Variants in AFF1 observed in about 807,000 individuals in gnomAD.
AFF1 encodes the protein ALF transcription elongation factor 1.
AFF1 carries 48 observed loss-of-function variants against 121.7 expected under a neutral mutation model. That is an observed-to-expected ratio of 0.39 (90% CI 0.31 to 0.50). The LOEUF (loss-of-function observed/expected upper bound fraction) is 0.50, where lower values mean the gene tolerates loss of function less well. AFF1 is among the 20% of genes least tolerant of loss of function. AFF1 has a pLI of 0.76. For missense variants in AFF1, 1,523 were observed against 1,511.7 expected (o/e 1.01, Z -0.12); for synonymous variants, 613 against 563.0 (o/e 1.09, Z -1.26).
chr4:87,023,030 G>A (rs1390669174), intron 2 of AFF1, among the ~76,000 whole-genome samples: 2 of 151,240 alleles, frequency 1.3e-5, no homozygotes, highest in East Asian at 3.9e-4. Context: ...ACCCTCCCGA[G>A]TAGCTGGGAC....
At chr4:87,124,119 T>C (rs974198252) in intron 12 of AFF1, among the ~76,000 whole-genome samples, 1 of 152,230 alleles carries the variant, frequency 6.6e-6, no homozygotes, top group Non-Finnish European at 1.5e-5. Context: ...GGCACAAGAA[T>C]GCAAGAAAGA....
In AFF1 at chr4:87,016,377, C is replaced by T. The variant is rs1185610509; in HGVS notation, c.39-29789C>T. On this transcript the variant is annotated intron_variant, in intron 2 of 20. Transcript: ENST00000395146. ...CATCCTGACTAACACAGTGAAACCC[C>T]GTCTCTACTGAAAATACAAAAAAAT... Among the ~76,000 whole-genome samples, 4 of 151,680 alleles carry T rather than the reference C, an allele frequency of 2.6e-5. No individual in the cohort carries two copies. In the South Asian group the frequency reaches 6.2e-4, roughly 24 times the overall value.
At chr4:87,047,739 T>A in intron 4 of AFF1, 145 bp downstream of exon 4, 1 of 1,065,506 alleles carries the variant, frequency 9.4e-7, no homozygotes, top group Non-Finnish European at 1.4e-6. Context: ...ATCTTGTTAA[T>A]AACCCGCGAA....
intron 2 of AFF1, among the ~76,000 whole-genome samples, chr4:87,042,539 C>T (rs1204997539): frequency 6.6e-6 from 1 of 152,194 alleles, no homozygotes; most frequent in Non-Finnish European, 1.5e-5. Context: ...TAAAACTCAT[C>T]CTACCAGTGA....
rs1207313015 is a variant in AFF1 at position 86,963,384 on chromosome 4, T to C, written c.38+14813T>C. Among the ~76,000 whole-genome samples the C allele has an allele frequency of 4.6e-5, 7 of 151,980 alleles. 1 individual carries two copies. Among genetic ancestry groups the C allele is most frequent in the Admixed American group, 4.6e-4 (7 of 15,270 alleles). ...AGCCTTTGATGTCAAAAGTGTCAAC[T>C]AGGAACTAGGGAGAGGGGATGGGAA... On this transcript the variant is annotated intron_variant, in intron 2 of 20. Transcript: ENST00000395146.
chr4:87,104,491 T>C (rs982434328), intron 8 of AFF1, among the ~76,000 whole-genome samples: 5 of 152,228 alleles, frequency 3.3e-5, no homozygotes, highest in Admixed American at 2.0e-4. Context: ...TAGAAACTTA[T>C]CCCAGTATGT....
At position 86,948,599 on chromosome 4, in the gene AFF1, C is replaced by A. The variant is rs960573722; in HGVS notation, c.38+28C>A. ...AAGCATAGAATCTATGATTCAAAGA[C>A]ATGCTGATATTTAATTTTATAATCT... On this transcript the variant is annotated intron_variant, in intron 2 of 20. Transcript: ENST00000395146. 6.5e-6 allele frequency: 10 copies of A among 1,526,958 alleles called. No individual in the cohort carries two copies. The African/African-American group carries it at 1.1e-4, about 17-fold the overall frequency. 94.6% of individuals were successfully genotyped at this position (1,526,958 alleles called of 1,614,324 possible).
At chr4:86,975,980 A>AT (rs1723274766) in intron 2 of AFF1, among the ~76,000 whole-genome samples, 2 of 152,220 alleles carry the variant, frequency 1.3e-5, no homozygotes, top group African/African-American at 4.8e-5. Flanking sequence ...ACAAGTAATT[A>AT]CGGTATCATA....
chr4:87,137,303 G>A lies in AFF1; in HGVS notation c.*1602G>A, dbSNP rs926981677. ...CACATTTTCCTATTAGTGGAGGAGGGAGAACCATATTTATTTATAATGAAG... is the reference window on the plus strand; with the variant it reads ...CACATTTTCCTATTAGTGGAGGAGGAAGAACCATATTTATTTATAATGAAG... On this transcript the variant is annotated 3_prime_UTR_variant, in exon 21 of 21. Coordinates refer to ENST00000395146, the MANE Select transcript of AFF1 (RefSeq NM_001166693.3). 1.3e-5 allele frequency: 3 copies of A among 227,720 alleles called. No homozygotes were observed. Among genetic ancestry groups the A allele is most frequent in the Non-Finnish European group, 2.6e-5 (3 of 114,380 alleles). 14.1% of individuals were successfully genotyped at this position (227,720 alleles called of 1,614,324 possible).
chr4:86,938,052 ACT>A (rs1431990709), intron 1 of AFF1, among the ~76,000 whole-genome samples: 2 of 151,980 alleles, frequency 1.3e-5, no homozygotes, highest in African/African-American at 4.8e-5. Flanking sequence ...TCTATGTTCA[ACT>A]CTGTAATTTG....
At chr4:86,936,507 C>G (rs1720010538) in intron 1 of AFF1, 1 of 151,160 alleles carries the variant, frequency 6.6e-6, no homozygotes. Flanking sequence ...TTACCTCTCT[C>G]AGACCTGCGT....
intron 2 of AFF1, among the ~76,000 whole-genome samples, chr4:86,949,315 A>G (rs549002206): frequency 6.7e-6 from 1 of 149,898 alleles, no homozygotes; most frequent in South Asian, 2.1e-4. Context: ...GGGATTCACC[A>G]TGTTGACCAC....
At chr4:87,124,331 T>C (rs1367285389) in intron 12 of AFF1, among the ~76,000 whole-genome samples, 1 of 152,200 alleles carries the variant, frequency 6.6e-6, no homozygotes, top group Non-Finnish European at 1.5e-5. Flanking sequence ...TTACAGTCTT[T>C]TCAGGGTTTT....
At chr4:87,073,098 A>G in intron 4 of AFF1, among the ~76,000 whole-genome samples, 1 of 151,774 alleles carries the variant, frequency 6.6e-6, no homozygotes, top group Non-Finnish European at 1.5e-5. Flanking sequence ...CTGTTTATTG[A>G]TAGGTTATAG....
chr4:87,001,101 C>T (rs879720875), intron 2 of AFF1, among the ~76,000 whole-genome samples: 1 of 151,606 alleles, frequency 6.6e-6, no homozygotes, highest in African/African-American at 2.4e-5. Flanking sequence ...GACTCTCCTC[C>T]TACAGAGAAC....
At chr4:87,085,309 C>T (rs1723607889) in intron 5 of AFF1, among the ~76,000 whole-genome samples, 1 of 152,032 alleles carries the variant, frequency 6.6e-6, no homozygotes, top group South Asian at 2.1e-4. Flanking sequence ...TTTTAATGCT[C>T]AGGTACAGTA....
At chr4:87,008,040 C>G (rs340637) in intron 2 of AFF1, among the ~76,000 whole-genome samples, 1 of 151,914 alleles carries the variant, frequency 6.6e-6, no homozygotes, top group African/African-American at 2.4e-5. Flanking sequence ...CCTGAAGCCC[C>G]GTCTTTCCAT....
In AFF1 at chr4:87,138,243, C is replaced by T; in HGVS notation, c.*2542C>T. 4.3e-6 allele frequency: 1 copy of T among 232,392 alleles called. No individual in the cohort carries two copies. The highest frequency in any genetic ancestry group is 8.5e-6 in the Non-Finnish European group (1 of 117,538). 14.4% of individuals were successfully genotyped at this position (232,392 alleles called of 1,614,324 possible). Reference sequence around the variant, plus strand: ...CCTTAACGTTCATAGGGTCTTTTTGCTGTTACGGTTGTATATAGAGGTCTG... The same window carrying T: ...CCTTAACGTTCATAGGGTCTTTTTGTTGTTACGGTTGTATATAGAGGTCTG... On this transcript the variant is annotated 3_prime_UTR_variant, in exon 21 of 21. Transcript: ENST00000395146.
At chr4:87,071,379 C>T (rs1306340138) in intron 4 of AFF1, among the ~76,000 whole-genome samples, 2 of 152,168 alleles carry the variant, frequency 1.3e-5, no homozygotes, top group Non-Finnish European at 2.9e-5. Flanking sequence ...TCTTTTCAGG[C>T]TCGTTTACTG....
Sources: allele counts gnomAD v4.1 joint callset (sites outside exome capture counted in the v4.1 genomes callset), GRCh38; gene constraint gnomAD v4.1.1; transcripts MANE v1.5; gene names NCBI Gene and HGNC (gene_info 2026-07-23, HGNC 2026-07-21).